CSTPP1: variants seen among roughly 807,000 people sequenced by gnomAD.
The protein encoded by CSTPP1 is centriolar satellite-associated tubulin polyglutamylase complex regulator 1.
chr11:47,014,426 G>A, the CSTPP1 span, among the ~76,000 whole-genome samples: 14 of 151,848 alleles, frequency 9.2e-5, no homozygotes, highest in Admixed American at 4.6e-4. Flanking sequence ...AGCCTGGCGC[G>A]GTGGCTCATG....
At chr11:46,990,407 A>AT in the CSTPP1 span, among the ~76,000 whole-genome samples, 1 of 152,070 alleles carries the variant, frequency 6.6e-6, no homozygotes, top group Admixed American at 6.6e-5. Context: ...GATAATGAGC[A>AT]TTTTTTCATA....
At chr11:46,948,168 A>T in the CSTPP1 span, 1 of 456,276 alleles carries the variant, frequency 2.2e-6, no homozygotes, top group Non-Finnish European at 4.4e-6. Flanking sequence ...TTGACACGTA[A>T]GTAGGCAACA....
At chr11:47,053,979 T>G in the CSTPP1 span, among the ~76,000 whole-genome samples, 6 of 151,472 alleles carry the variant, frequency 4.0e-5, no homozygotes, top group Non-Finnish European at 5.9e-5. Flanking sequence ...TTAAATTTTA[T>G]TCTCTGGGTA....
At chr11:47,154,228 C>T in the CSTPP1 span, among the ~76,000 whole-genome samples, 2 of 152,016 alleles carry the variant, frequency 1.3e-5, no homozygotes, top group Non-Finnish European at 2.9e-5. Context: ...TGAGCCACCG[C>T]GCCTGGCCAA....
At chr11:47,122,104 A>ATATATG in the CSTPP1 span, among the ~76,000 whole-genome samples, 2 of 130,070 alleles carry the variant, frequency 1.5e-5, no homozygotes, top group Admixed American at 8.0e-5. Context: ...ATATATATAT[A>ATATATG]TATATATATA....
chr11:47,001,431 A>T, the CSTPP1 span, among the ~76,000 whole-genome samples: 2 of 152,198 alleles, frequency 1.3e-5, no homozygotes, highest in Non-Finnish European at 2.9e-5. Context: ...ATTAATTTTG[A>T]TTCAAATAAA....
chr11:47,059,997 A>G, the CSTPP1 span, among the ~76,000 whole-genome samples: 1 of 151,716 alleles, frequency 6.6e-6, no homozygotes, highest in African/African-American at 2.4e-5. Flanking sequence ...CCAGCTACTC[A>G]GGAGGCTAAA....
chr11:46,980,680 G>A, the CSTPP1 span, among the ~76,000 whole-genome samples: 1 of 151,988 alleles, frequency 6.6e-6, no homozygotes. Flanking sequence ...TAAAATGAAA[G>A]ATACCACAGA....
chr11:47,159,236 G>A, the CSTPP1 span, among the ~76,000 whole-genome samples: 2 of 152,188 alleles, frequency 1.3e-5, no homozygotes, highest in African/African-American at 4.8e-5. Flanking sequence ...CAGGCCAGGC[G>A]TGGTGCCTCA....
the CSTPP1 span, among the ~76,000 whole-genome samples, chr11:47,105,614 A>G: frequency 6.6e-6 from 1 of 152,248 alleles, no homozygotes; most frequent in East Asian, 1.9e-4. Flanking sequence ...AATCCTCACA[A>G]TAATCCCATG....
the CSTPP1 span, among the ~76,000 whole-genome samples, chr11:47,044,143 C>G: frequency 7.2e-5 from 11 of 152,100 alleles, 3 homozygotes; most frequent in Admixed American, 6.6e-5. Flanking sequence ...TGCACCATCA[C>G]GCCTGGCTAA....
the CSTPP1 span, among the ~76,000 whole-genome samples, chr11:47,002,682 T>C: frequency 1.3e-5 from 2 of 150,560 alleles, no homozygotes; most frequent in African/African-American, 4.9e-5. Flanking sequence ...TATAAAACCA[T>C]TCAATAAGAG....
the CSTPP1 span, among the ~76,000 whole-genome samples, chr11:47,032,511 T>C: frequency 7.2e-5 from 11 of 152,144 alleles, no homozygotes; most frequent in Non-Finnish European, 1.3e-4. Flanking sequence ...TTCAGACCAT[T>C]TCATCTTAAT....
chr11:47,074,360 G>C, the CSTPP1 span, among the ~76,000 whole-genome samples: 1 of 151,430 alleles, frequency 6.6e-6, no homozygotes, highest in East Asian at 1.9e-4. Flanking sequence ...AACTCACCAG[G>C]CATAGTGGCT....
At chr11:47,164,083 C>A in the CSTPP1 span, 6 of 1,598,402 alleles carry the variant, frequency 3.8e-6, no homozygotes, top group Non-Finnish European at 5.1e-6. Context: ...CTTTCCTCTG[C>A]GTGCCACAGG....
the CSTPP1 span, chr11:47,159,744 G>A: frequency 4.4e-5 from 20 of 455,162 alleles, no homozygotes; most frequent in Admixed American, 2.8e-4. Flanking sequence ...GGTGGCTCAC[G>A]CCTGTAATCC....
At chr11:47,156,031 G>A in the CSTPP1 span, 2 of 152,182 alleles carry the variant, frequency 1.3e-5, no homozygotes, top group Non-Finnish European at 2.9e-5. Flanking sequence ...CTTAAAACAG[G>A]CTCTTCCAGT....
chr11:46,945,041 C>G, the CSTPP1 span, among the ~76,000 whole-genome samples: 6 of 152,090 alleles, frequency 3.9e-5, no homozygotes, highest in Non-Finnish European at 8.8e-5. Context: ...TTTGCTGATA[C>G]CACAGCATAT....
the CSTPP1 span, among the ~76,000 whole-genome samples, chr11:47,153,581 CAG>C: frequency 6.6e-6 from 1 of 152,202 alleles, no homozygotes; most frequent in Non-Finnish European, 1.5e-5. Context: ...CTCTGAGCCT[CAG>C]ACTCTTCACG....
Sources: gnomAD v4.1 joint callset for allele counts (sites outside exome capture counted in the v4.1 genomes callset) on GRCh38, gnomAD v4.1.1 for gene constraint, MANE v1.5 for transcripts, NCBI Gene and HGNC (gene_info 2026-07-23, HGNC 2026-07-21) for gene names.